The following NLRC3 variants were observed in gnomAD, a reference collection of about 807,000 sequenced individuals.
NLRC3 encodes NLR family CARD domain-containing protein 3.
In NLRC3, 87 loss-of-function variants were observed where a neutral mutation model predicts 91.6. The observed-to-expected ratio is 0.95, with a 90% CI of 0.80 to 1.14. The LOEUF (loss-of-function observed/expected upper bound fraction) is 1.14, where lower values mean the gene tolerates loss of function less well. NLRC3 is among the 50% of genes most tolerant of loss of function. The pLI, the probability that NLRC3 is intolerant of heterozygous loss-of-function variation, is 0.00. For synonymous variants in NLRC3, 694 were observed against 625.3 expected (o/e 1.11, Z -1.64); for missense variants, 1,577 against 1,418.6 (o/e 1.11, Z -1.79).
intron 9 of NLRC3, 80 bp from the exon 10 acceptor site, chr16:3,552,359 C>T: frequency 2.1e-6 from 2 of 958,578 alleles, no homozygotes; most frequent in Admixed American, 1.8e-5. Flanking sequence ...GGTTCAAGGT[C>T]AGGGACAACT....
chr16:3,552,724 G>C (rs528161674), intron 9 of NLRC3, among the ~76,000 whole-genome samples: 1 of 152,128 alleles, frequency 6.6e-6, no homozygotes, highest in African/African-American at 2.4e-5. Flanking sequence ...GGCGGATCAC[G>C]ATGTTAACAG....
intron 1 of NLRC3, among the ~76,000 whole-genome samples, chr16:3,572,243 T>C (rs1363533554): frequency 6.6e-6 from 1 of 151,688 alleles, no homozygotes; most frequent in African/African-American, 2.4e-5. Flanking sequence ...TTCATACGTC[T>C]CATTGGTGAA....
At chr16:3,558,435 A>C (rs531645493) in intron 6 of NLRC3, among the ~76,000 whole-genome samples, 1 of 152,290 alleles carries the variant, frequency 6.6e-6, no homozygotes, top group Non-Finnish European at 1.5e-5. Flanking sequence ...AAGCACCTCC[A>C]CCTTGCAAAA....
chr16:3,548,310 T>C (rs1489459903), intron 14 of NLRC3, 92 bp from the exon 15 acceptor site: 10 of 979,620 alleles, frequency 1.0e-5, no homozygotes, highest in African/African-American at 9.6e-5. Context: ...GGAGGTGGAA[T>C]CCCTGCAGGA....
chr16:3,557,204 C>G (rs998938873), intron 7 of NLRC3, among the ~76,000 whole-genome samples: 1 of 152,298 alleles, frequency 6.6e-6, no homozygotes, highest in East Asian at 1.9e-4. Context: ...GGAAAGAAAG[C>G]AGCACCTGAT....
chr16:3,556,568 G>A (rs191288258), intron 8 of NLRC3, among the ~76,000 whole-genome samples: 3 of 151,882 alleles, frequency 2.0e-5, no homozygotes, highest in Admixed American at 6.6e-5. Flanking sequence ...GTAGTGGCGC[G>A]ATCTCAACTT....
intron 17 of NLRC3, 115 bp from the exon 18 acceptor site, chr16:3,542,890 C>T: frequency 4.4e-6 from 3 of 674,734 alleles, no homozygotes; most frequent in Non-Finnish European, 7.9e-6. Flanking sequence ...TCAGCAGTCA[C>T]AGGAGGCCAG....
Position 3,557,606 on chromosome 16 carries a change from G to A in NLRC3, c.2086C>T (p.Leu696=). 1 of 1,611,802 alleles carries A rather than the reference G, an allele frequency of 6.2e-7. No homozygotes were observed. Among genetic ancestry groups the A allele is most frequent in the Non-Finnish European group, 8.5e-7 (1 of 1,178,028 alleles). Residue 696 remains leucine, a synonymous_variant, in exon 7 of 20, where the codon CTG becomes TTG. Transcript: ENST00000359128. ...LARSLLVNRS[L]TSLDLRGNSI... ...GTCCTTACTTACTCCAGAGAGGTCAGACTTCTGTTGACCAAGAGGGATCTG... is the reference window on the plus strand; with the variant it reads ...GTCCTTACTTACTCCAGAGAGGTCAAACTTCTGTTGACCAAGAGGGATCTG...
At chr16:3,544,622 C>T (rs76244809) in intron 15 of NLRC3, 18,317 of 373,124 alleles carry the variant, frequency 0.049, 508 homozygotes, top group Admixed American at 0.06. Flanking sequence ...ATGCTTTTCA[C>T]AGCCAACCAG....
At chr16:3,553,864 C>T (rs2039147879) in intron 9 of NLRC3, among the ~76,000 whole-genome samples, 2 of 151,352 alleles carry the variant, frequency 1.3e-5, no homozygotes, top group Non-Finnish European at 1.5e-5. Flanking sequence ...AACTTAGCCT[C>T]CCAAGTAGCT....
intron 17 of NLRC3, 56 bp downstream of exon 17, chr16:3,543,369 G>A: frequency 8.3e-7 from 1 of 1,206,066 alleles, no homozygotes. Context: ...TCTATTCATT[G>A]AGAATTCATT....
rs75641087 is a variant in NLRC3 at position 3,541,583 on chromosome 16, T to G, written c.*242A>C. ...CCTTTGGCCCCTAGTCCCTTGGGGG[T>G]GGCCCCTCCCTTCTCTGTGCCATAA... is the stretch of plus-strand genomic sequence containing the variant. On this transcript the variant is annotated 3_prime_UTR_variant, in exon 20 of 20. Transcript: ENST00000359128. 1.9e-6 allele frequency: 1 copy of G among 532,298 alleles called. No individual in the cohort carries two copies. The highest frequency in any genetic ancestry group is 1.9e-5 in the African/African-American group (1 of 52,496). 33.0% of individuals were successfully genotyped at this position (532,298 alleles called of 1,614,324 possible).
intron 8 of NLRC3, among the ~76,000 whole-genome samples, chr16:3,555,505 T>C (rs1326088192): frequency 6.6e-6 from 1 of 152,148 alleles, no homozygotes; most frequent in East Asian, 1.9e-4. Flanking sequence ...ATTCTGGAAC[T>C]GGACAGATGT....
chr16:3,547,393 G>C (rs1484851420), intron 15 of NLRC3, among the ~76,000 whole-genome samples: 1 of 152,142 alleles, frequency 6.6e-6, no homozygotes, highest in Non-Finnish European at 1.5e-5. Flanking sequence ...TGGTAGATTA[G>C]TGGTTGCCAG....
At chr16:3,544,559 G>A (rs2038591360) in intron 15 of NLRC3, 1 of 537,376 alleles carries the variant, frequency 1.9e-6, no homozygotes. Flanking sequence ...GAGGCAAGCA[G>A]GAAATGGGAC....
intron 6 of NLRC3, among the ~76,000 whole-genome samples, chr16:3,559,381 A>G (rs1049338873): frequency 1.3e-5 from 2 of 152,152 alleles, no homozygotes; most frequent in South Asian, 2.1e-4. Flanking sequence ...TATTTTTAGT[A>G]AAGATGGCAT....
Position 3,543,526 on chromosome 16 carries a change from C to T in NLRC3, c.2856-18G>A. ...CCTGGAGACTGGGGCGGAGAGGGTG[C>T]CGTCAGTGTGAGCCGGCTGGGCCCA... On this transcript the variant is annotated intron_variant, in intron 16 of 19. Coordinates refer to ENST00000359128, the MANE Select transcript of NLRC3 (RefSeq NM_178844.4). 6.3e-7 allele frequency: 1 copy of T among 1,599,838 alleles called. No individual in the cohort carries two copies.
At chr16:3,558,582 C>CACA (rs936147934) in intron 6 of NLRC3, among the ~76,000 whole-genome samples, 3 of 147,618 alleles carry the variant, frequency 2.0e-5, no homozygotes, top group Non-Finnish European at 4.5e-5. Flanking sequence ...TAAAAAAAAA[C>CACA]CACACACACA....
chr16:3,568,081 G>T lies in NLRC3; in HGVS notation c.-168-757C>A, dbSNP rs139415506. 7.1e-3 allele frequency among the ~76,000 whole-genome samples: 1,085 copies of T among 152,160 alleles called. 8 individuals carry two copies. The highest frequency in any genetic ancestry group is 0.011 in the Admixed American group (166 of 15,272). The stretch of plus-strand genomic sequence containing the variant: ...GGGTTTCACCTTGCTCACCGGGCTG[G>T]TCTTGAACTCTTGACCTTGTGATCT... On this transcript the variant is annotated intron_variant, in intron 1 of 19. Transcript: ENST00000359128.
Sources: allele counts gnomAD v4.1 joint callset (sites outside exome capture counted in the v4.1 genomes callset), GRCh38; gene constraint gnomAD v4.1.1; transcripts MANE v1.5; gene names NCBI Gene and HGNC (gene_info 2026-07-23, HGNC 2026-07-21).